ESR1: variants seen among roughly 807,000 people sequenced by gnomAD.
The protein encoded by ESR1 is estrogen receptor.
In ESR1, 12 loss-of-function variants were observed where a neutral mutation model predicts 52.7. The observed-to-expected ratio is 0.23, with a 90% CI of 0.15 to 0.37. The LOEUF (loss-of-function observed/expected upper bound fraction) is 0.37, where lower values mean the gene tolerates loss of function less well. ESR1 is among the 10% of genes least tolerant of loss of function. The probability of loss-of-function intolerance (pLI) is 1.00; values close to 1 mark genes in which losing one functional copy is unlikely to be tolerated. For synonymous variants in ESR1, 305 were observed against 316.8 expected (o/e 0.96, Z 0.39); for missense variants, 584 against 779.7 (o/e 0.75, Z 2.99).
chr6:151,839,195 C>A (rs554067730), intron 1 of ESR1, among the ~76,000 whole-genome samples: 1 of 152,078 alleles, frequency 6.6e-6, no homozygotes, highest in East Asian at 1.9e-4. Context: ...ATAAAAAAAT[C>A]TTCTAGAGAG....
chr6:151,860,028 C>A (rs558531291), intron 2 of ESR1, among the ~76,000 whole-genome samples: 115 of 152,284 alleles, frequency 7.6e-4, no homozygotes, highest in African/African-American at 2.5e-3. Flanking sequence ...CTATAGATAT[C>A]TTTCTGCTCT....
At chr6:152,114,423 C>A (rs1214523672) in intron 6 of ESR1, among the ~76,000 whole-genome samples, 3 of 152,094 alleles carry the variant, frequency 2.0e-5, no homozygotes, top group Non-Finnish European at 4.4e-5. Flanking sequence ...ATTCATAAAT[C>A]CCCCAGTCAG....
At chr6:151,807,509 A>T, upstream of ESR1, 1 of 305,786 alleles carries the variant, frequency 3.3e-6, no homozygotes, top group South Asian at 3.8e-5. Flanking sequence ...CGACAAGTAA[A>T]GTAAAGTTCA....
chr6:151,847,780 A>T (rs1785404559), intron 2 of ESR1, among the ~76,000 whole-genome samples: 1 of 140,812 alleles, frequency 7.1e-6, no homozygotes, highest in Non-Finnish European at 1.5e-5. Context: ...TTTTGTTGCC[A>T]TTGCTTTTGG....
intron 2 of ESR1, among the ~76,000 whole-genome samples, chr6:151,774,192 G>A (rs1032299124): frequency 2.6e-5 from 4 of 152,182 alleles, no homozygotes; most frequent in African/African-American, 9.7e-5. Context: ...TTTGTAAAAG[G>A]TACTGGCAAC....
Position 152,102,711 on chromosome 6 carries a change from C to G in ESR1, c.*3745C>G, listed in dbSNP as rs2050998261. On this transcript the variant is annotated 3_prime_UTR_variant, in exon 8 of 8. Transcript: ENST00000206249. ...AAATTGTTTTCTAAGTAATTGCTGC[C>G]TCTATTATGGCACTTCAATTTTGCA... 4.6e-6 allele frequency: 1 copy of G among 219,110 alleles called. No individual in the cohort carries two copies. The highest frequency in any genetic ancestry group is 9.2e-6 in the Non-Finnish European group (1 of 109,036). 13.6% of individuals were successfully genotyped at this position (219,110 alleles called of 1,614,324 possible).
chr6:151,988,729 T>C (rs2040743103), intron 4 of ESR1, among the ~76,000 whole-genome samples: 1 of 152,084 alleles, frequency 6.6e-6, no homozygotes, highest in Non-Finnish European at 1.5e-5. Context: ...GAGCTTAAAA[T>C]AAATGTTAAA....
chr6:151,890,736 T>C (rs895109970), intron 3 of ESR1, among the ~76,000 whole-genome samples: 5 of 152,236 alleles, frequency 3.3e-5, no homozygotes, highest in Admixed American at 1.3e-4. Context: ...CATTATTTAA[T>C]GGCCTTCTTT....
At chr6:151,833,745 C>A (rs2128219155) in intron 1 of ESR1, among the ~76,000 whole-genome samples, 1 of 152,292 alleles carries the variant, frequency 6.6e-6, no homozygotes, top group Middle Eastern at 3.4e-3. Flanking sequence ...TTGCATCAGT[C>A]ATTTATTTAT....
chr6:151,711,624 T>C (rs1204474079), intron 2 of ESR1, among the ~76,000 whole-genome samples: 1 of 152,248 alleles, frequency 6.6e-6, no homozygotes, highest in African/African-American at 2.4e-5. Flanking sequence ...ATGAGCTTTT[T>C]TTCATATGTT....
At chr6:151,893,880 G>A (rs1795064352) in intron 3 of ESR1, among the ~76,000 whole-genome samples, 1 of 152,202 alleles carries the variant, frequency 6.6e-6, no homozygotes, top group Non-Finnish European at 1.5e-5. Context: ...AAGCAGAGAA[G>A]TGACTTTCTT....
chr6:151,924,396 A>G (rs1004180114), intron 3 of ESR1, among the ~76,000 whole-genome samples: 1 of 150,564 alleles, frequency 6.6e-6, no homozygotes, highest in African/African-American at 2.5e-5. Context: ...TTTTTTTGCC[A>G]ACTGTATTTT....
chr6:151,769,617 G>A (rs1785346031), intron 2 of ESR1, among the ~76,000 whole-genome samples: 1 of 152,164 alleles, frequency 6.6e-6, no homozygotes, highest in African/African-American at 2.4e-5. Flanking sequence ...TAGTGAGATG[G>A]AGAACACTAG....
chr6:151,784,176 T>C lies in ESR1; in HGVS notation c.-70-23667T>C, dbSNP rs191681380. 6.8e-4 allele frequency among the ~76,000 whole-genome samples: 103 copies of C among 152,312 alleles called. No homozygotes were observed. In the Middle Eastern group the frequency reaches 0.01, roughly 15 times the overall value. ...GGAAGTCACTCTGCACAGCTCACAA[T>C]GAAGGAGTGGGGAGCTATGCTTCCC... is the stretch of plus-strand genomic sequence containing the variant. On this transcript the variant is annotated intron_variant, in intron 2 of 2. Transcript: ENST00000404742.
rs1284593849 is a variant in ESR1, at chr6:152,101,209, A to C, written c.*2243A>C. 1.7e-5 allele frequency: 4 copies of C among 232,040 alleles called. No individual in the cohort carries two copies. The highest frequency in any genetic ancestry group is 8.8e-5 in the African/African-American group (4 of 45,386). 14.4% of individuals were successfully genotyped at this position (232,040 alleles called of 1,614,324 possible). A position where few individuals can be genotyped will look rare whatever the true frequency, so the allele number is the denominator to read the frequency against. On this transcript the variant is annotated 3_prime_UTR_variant, in exon 8 of 8. Coordinates refer to ENST00000206249, the MANE Select transcript of ESR1 (RefSeq NM_000125.4). ...TGCCTATTGTTGGATACTGAATGAC[A>C]GACAATCTTATGTAGCAAAGATTAT...
rs546263671 is a variant in ESR1, at chr6:151,723,281, C to T, written c.-71+21276C>T. ...GAAATTACTTGATGGGTACAATCTACACTATTCTGGTGATTGATTTCTCTC... is the reference window on the plus strand; with the variant it reads ...GAAATTACTTGATGGGTACAATCTATACTATTCTGGTGATTGATTTCTCTC... On this transcript the variant is annotated intron_variant, in intron 2 of 2. Transcript: ENST00000404742. Among the ~76,000 whole-genome samples the T allele has an allele frequency of 1.6e-4, 25 of 152,196 alleles. No individual in the cohort carries two copies. In the South Asian group the frequency reaches 5.0e-3, roughly 30 times the overall value.
chr6:151,673,019 A>G (rs1778128418), intron 1 of ESR1, among the ~76,000 whole-genome samples: 1 of 150,412 alleles, frequency 6.6e-6, no homozygotes, highest in Non-Finnish European at 1.5e-5. Context: ...TTTAGTACAG[A>G]GTTTCACCGT....
intron 1 of ESR1, among the ~76,000 whole-genome samples, chr6:151,659,306 C>T (rs748511073): frequency 9.2e-5 from 14 of 152,206 alleles, no homozygotes; most frequent in Non-Finnish European, 1.6e-4. Flanking sequence ...AGCCACTGTG[C>T]CCGGCCTGCT....
chr6:151,702,680 G>A (rs1779886958), intron 2 of ESR1, among the ~76,000 whole-genome samples: 1 of 152,184 alleles, frequency 6.6e-6, no homozygotes, highest in African/African-American at 2.4e-5. Flanking sequence ...CATGCCACTT[G>A]TATTTGTGGT....
Sources: allele counts gnomAD v4.1 joint callset (sites outside exome capture counted in the v4.1 genomes callset), GRCh38; gene constraint gnomAD v4.1.1; transcripts MANE v1.5; gene names NCBI Gene and HGNC (gene_info 2026-07-23, HGNC 2026-07-21).